Variants in ZMAT3 observed in about 807,000 individuals in gnomAD.
ZMAT3 encodes the protein zinc finger matrin-type 3.
A neutral mutation model predicts 32.3 loss-of-function variants in ZMAT3; 17 were observed. The ratio of observed to expected loss-of-function variants is 0.53; its 90% CI spans 0.36 to 0.79. The LOEUF (loss-of-function observed/expected upper bound fraction) is 0.79. Among genes scored for constraint, ZMAT3 ranks in the 30% least tolerant of loss-of-function variants. ZMAT3 has a pLI of 0.00. For missense variants in ZMAT3, 329 were observed against 359.7 expected (o/e 0.91, Z 0.69); for synonymous variants, 120 against 133.1 (o/e 0.90, Z 0.68).
In ZMAT3 at chr3:179,024,334, A is replaced by G. The variant is rs1227268491; in HGVS notation, c.*683T>C. On this transcript the variant is annotated 3_prime_UTR_variant, in exon 6 of 6. Coordinates refer to ENST00000311417, the MANE Select transcript of ZMAT3 (RefSeq NM_022470.4). ...AGACCCTAACAGTTTCTAATAATGTATCCTACTGACAATGCATTGAGGTGG... is the reference window on the plus strand; with the variant it reads ...AGACCCTAACAGTTTCTAATAATGTGTCCTACTGACAATGCATTGAGGTGG... 1 of 152,316 alleles carries G rather than the reference A, an allele frequency of 6.6e-6. No homozygotes were observed. The highest frequency in any genetic ancestry group is 2.4e-5 in the African/African-American group (1 of 41,462). 9.4% of individuals were successfully genotyped at this position (152,316 alleles called of 1,614,324 possible).
At chr3:179,029,695 A>T (rs1025778530) in intron 3 of ZMAT3, among the ~76,000 whole-genome samples, 11 of 152,354 alleles carry the variant, frequency 7.2e-5, no homozygotes, top group Middle Eastern at 3.4e-3. Context: ...ATTCAGAATC[A>T]GTAACAACAC....
intron 2 of ZMAT3, among the ~76,000 whole-genome samples, chr3:179,031,519 A>T (rs1719192736): frequency 6.6e-6 from 1 of 152,244 alleles, no homozygotes; most frequent in Non-Finnish European, 1.5e-5. Context: ...GAAGTAAAAG[A>T]GCCTACTCTT....
chr3:179,031,851 G>C (rs781495264), intron 2 of ZMAT3, among the ~76,000 whole-genome samples: 11 of 150,850 alleles, frequency 7.3e-5, no homozygotes, highest in Middle Eastern at 3.2e-3. Flanking sequence ...AGGTTGCAGT[G>C]AGCGGAAATC....
intron 1 of ZMAT3, among the ~76,000 whole-genome samples, chr3:179,069,260 G>A (rs1721585298): frequency 6.6e-6 from 1 of 152,006 alleles, no homozygotes. Flanking sequence ...ATAACTGATA[G>A]TCTCTATTAT....
At chr3:179,070,405 A>AT (rs1263488533) in intron 1 of ZMAT3, among the ~76,000 whole-genome samples, 2 of 152,256 alleles carry the variant, frequency 1.3e-5, no homozygotes, top group African/African-American at 4.8e-5. Context: ...GATCTTTACA[A>AT]TTTTTAAAGA....
chr3:179,037,999 C>CA (rs1719698834), intron 2 of ZMAT3, among the ~76,000 whole-genome samples: 1 of 151,984 alleles, frequency 6.6e-6, no homozygotes, highest in Non-Finnish European at 1.5e-5. Context: ...AACTGCTCTG[C>CA]AAAAAATAAA....
chr3:179,032,371 G>A (rs996095355), intron 2 of ZMAT3, among the ~76,000 whole-genome samples: 16 of 152,020 alleles, frequency 1.1e-4, no homozygotes, highest in East Asian at 5.9e-4. Context: ...CCTCCCAGCC[G>A]CCTGCCTTGG....
rs149144992 is a variant in ZMAT3, at chr3:179,058,483, G to A, written c.270+9000C>T. The stretch of plus-strand genomic sequence containing the variant: ...GTAGAAAAAGGACTTCGGGACGGGC[G>A]CGGTGGCTCACGCCTGTAATCCCAG... On this transcript the variant is annotated intron_variant, in intron 2 of 5. Transcript: ENST00000311417. Among the ~76,000 whole-genome samples the A allele has an allele frequency of 4.3e-3, 659 of 152,316 alleles. 3 individuals are homozygous for A. The highest frequency in any genetic ancestry group is 7.7e-3 in the African/African-American group (320 of 41,576).
intron 1 of ZMAT3, 76 bp from the exon 2 acceptor site, chr3:179,067,885 A>T: frequency 1.5e-6 from 2 of 1,339,742 alleles, no homozygotes; most frequent in South Asian, 2.9e-5. Context: ...TGTAAATGAC[A>T]ACATAATCTG....
At chr3:179,040,384 T>A (rs1289902118) in intron 2 of ZMAT3, among the ~76,000 whole-genome samples, 2 of 152,186 alleles carry the variant, frequency 1.3e-5, no homozygotes, top group Non-Finnish European at 2.9e-5. Flanking sequence ...AGCGGATCTC[T>A]CGGCAGAAAC....
Position 179,051,882 on chromosome 3 carries a change from C to T in ZMAT3, c.270+15601G>A, listed in dbSNP as rs574797754. 5.9e-5 allele frequency among the ~76,000 whole-genome samples: 9 copies of T among 152,224 alleles called. No homozygotes were observed. In the South Asian group the frequency reaches 6.2e-4, roughly 11 times the overall value. On this transcript the variant is annotated intron_variant, in intron 2 of 5. Transcript: ENST00000311417. ...ACCCAGAAATAAAGCCAAATACTTA[C>T]GGTCAACTGATCTTCAACAAAACAA...
At chr3:179,039,346 G>T (rs1314223666) in intron 2 of ZMAT3, among the ~76,000 whole-genome samples, 1 of 152,190 alleles carries the variant, frequency 6.6e-6, no homozygotes, top group East Asian at 1.9e-4. Context: ...GTGCCCCTCT[G>T]GGATGCAGAT....
At position 179,063,479 on chromosome 3, in the gene ZMAT3, T is replaced by G. The variant is rs185629162; in HGVS notation, c.270+4004A>C. 1.1e-3 allele frequency among the ~76,000 whole-genome samples: 172 copies of G among 152,360 alleles called. 2 individuals carry two copies. In the Middle Eastern group the frequency reaches 0.02, roughly 18 times the overall value. Reference sequence around the variant, plus strand: ...CTATCTGGCCACTAACTATTACAAATAGAAAGCCATGTTTATGACAAATTT... The same window carrying G: ...CTATCTGGCCACTAACTATTACAAAGAGAAAGCCATGTTTATGACAAATTT... On this transcript the variant is annotated intron_variant, in intron 2 of 5. Coordinates refer to ENST00000311417, the MANE Select transcript of ZMAT3 (RefSeq NM_022470.4).
chr3:179,031,922 AAACTCTC>A (rs777489475), intron 2 of ZMAT3, among the ~76,000 whole-genome samples: 892 of 49,652 alleles, frequency 0.018, 124 homozygotes, highest in Non-Finnish European at 0.024. Flanking sequence ...AAAAAAAAAA[AAACTCTC>A]CCTCTCCCTC....
rs1718410005 is a variant in ZMAT3 at position 179,018,989 on chromosome 3, GA to G, written c.*6027del. 1 of 152,082 alleles carries G rather than the reference GA, an allele frequency of 6.6e-6. No individual in the cohort carries two copies. 9.4% of individuals were successfully genotyped at this position (152,082 alleles called of 1,614,324 possible). ...TTCTGGTAGAGCAGCTGAAAGTAGT[GA>G]AAGGAGAAGTGACAAGAGGGAGAAA... On this transcript the variant is annotated 3_prime_UTR_variant, in exon 6 of 6. Transcript: ENST00000311417.
intron 3 of ZMAT3, among the ~76,000 whole-genome samples, chr3:179,029,507 A>C (rs1403557836): frequency 3.3e-5 from 5 of 152,132 alleles, no homozygotes; most frequent in African/African-American, 1.2e-4. Flanking sequence ...TCTGTCACCC[A>C]GACTGGAATG....
At chr3:179,051,026 C>T (rs1352104044) in intron 2 of ZMAT3, among the ~76,000 whole-genome samples, 1 of 152,164 alleles carries the variant, frequency 6.6e-6, no homozygotes, top group Non-Finnish European at 1.5e-5. Flanking sequence ...CCACAGCCAA[C>T]ATTATACTGA....
intron 2 of ZMAT3, among the ~76,000 whole-genome samples, chr3:179,057,001 G>C (rs982874331): frequency 1.3e-5 from 2 of 152,178 alleles, no homozygotes; most frequent in African/African-American, 4.8e-5. Context: ...GGCAACAAAA[G>C]GACAATATGG....
At chr3:179,048,636 C>T (rs757893783) in intron 2 of ZMAT3, among the ~76,000 whole-genome samples, 1 of 152,094 alleles carries the variant, frequency 6.6e-6, no homozygotes, top group Non-Finnish European at 1.5e-5. Flanking sequence ...ACTACCAAGC[C>T]AGCATTACAA....
Sources: gnomAD v4.1 joint callset for allele counts (sites outside exome capture counted in the v4.1 genomes callset) on GRCh38, gnomAD v4.1.1 for gene constraint, MANE v1.5 for transcripts, NCBI Gene and HGNC (gene_info 2026-07-23, HGNC 2026-07-21) for gene names.